The following HLA-DMA variants were observed in gnomAD, a reference collection of about 807,000 sequenced individuals.
HLA-DMA encodes HLA class II histocompatibility antigen, DM alpha chain.
HLA-DMA carries 20 observed loss-of-function variants against 27.3 expected under a neutral mutation model. That is an observed-to-expected ratio of 0.73 (90% CI 0.52 to 1.07). The LOEUF is 1.07. Ranked by LOEUF, HLA-DMA falls within the 50% of genes least tolerant of loss-of-function variation. The pLI is 0.00. For missense variants in HLA-DMA, 241 were observed against 321.7 expected (o/e 0.75, Z 1.92); for synonymous variants, 111 against 126.8 (o/e 0.88, Z 0.83).
Position 32,949,151 on chromosome 6 carries a change from A to G in HLA-DMA, c.781+120T>C. 3 of 1,369,380 alleles carry G rather than the reference A, an allele frequency of 2.2e-6. No homozygotes were observed. The highest frequency in any genetic ancestry group is 3.0e-6 in the Non-Finnish European group (3 of 988,158). 84.8% of individuals were successfully genotyped at this position (1,369,380 alleles called of 1,614,324 possible). On this transcript the variant is annotated intron_variant, in intron 4 of 4. Coordinates refer to ENST00000374843, the MANE Select transcript of HLA-DMA (RefSeq NM_006120.4). This position sits in a 1 kb window ranked among gnomAD's most constrained non-coding sequence, Gnocchi z 5.8. ...CATGGTGCTGGATACAGGCCCCCAC[A>G]CCCAAGGGCCTGAGGATCGCTATAT...
rs749158231 is a variant in HLA-DMA, at chr6:32,949,222, C to T, written c.781+49G>A. On this transcript the variant is annotated intron_variant, in intron 4 of 4. Transcript: ENST00000374843. The surrounding 1 kb of genome is among the most constrained non-coding windows in gnomAD (Gnocchi z 5.8). ...AATCCTGACACATGCACGCATGCAC[C>T]ACTGTATCTGGCTCCCACAGGCTCA... 6 of 1,612,720 alleles carry T rather than the reference C, an allele frequency of 3.7e-6. No homozygotes were observed. The South Asian group carries it at 6.6e-5, about 18-fold the overall frequency.
chr6:32,952,188 C>T, intron 1 of HLA-DMA: 1 of 395,672 alleles, frequency 2.5e-6, no homozygotes, highest in South Asian at 2.0e-5. Context: ...GTTTCTCACT[C>T]TTAGAAGGGA....
chr6:32,951,117 T>C (rs1776879876), intron 1 of HLA-DMA, among the ~76,000 whole-genome samples: 1 of 152,052 alleles, frequency 6.6e-6, no homozygotes, highest in Admixed American at 6.5e-5. Flanking sequence ...GCCACTGCAC[T>C]CCAGCCTGGG....
At position 32,949,748 on chromosome 6, in the gene HLA-DMA, C is replaced by A. The variant is rs751458783; in HGVS notation, c.515G>T (p.Gly172Val). The change falls in exon 3 of 5, where the codon GGG (glycine) becomes GTG (valine). Residue 172 changes from glycine to valine, a missense_variant. By Grantham distance (109) the Gly-to-Val change is moderately radical. Transcript: ENST00000374843. This position sits in a 1 kb window ranked among gnomAD's most constrained non-coding sequence, Gnocchi z 5.8. ...QHHSVPVEGF[G>V]PTFVSAVDGL... Reference sequence around the variant, plus strand: ...ATCGACAGCTGAGACAAAAGTAGGCCCAAATCCTTCCACAGGGACGGAATG... The same window carrying A: ...ATCGACAGCTGAGACAAAAGTAGGCACAAATCCTTCCACAGGGACGGAATG... 27 of 1,612,916 alleles carry A rather than the reference C, an allele frequency of 1.7e-5. No homozygotes were observed. Among genetic ancestry groups the A allele is most frequent in the Admixed American group, 3.3e-5 (2 of 60,000 alleles).
Position 32,950,778 on chromosome 6 carries a change from G to T in HLA-DMA, c.114C>A (p.Asp38Glu), listed in dbSNP as rs1467656459. The T allele has an allele frequency of 1.2e-6, 2 of 1,612,486 alleles. No individual in the cohort carries two copies. Among genetic ancestry groups the T allele is most frequent in the Non-Finnish European group, 1.7e-6 (2 of 1,179,546 alleles). ...PEAPTPMWPD[D>E]LQNHTFLHTV... ...TGTGCAGGAATGTGTGGTTTTGCAGGTCATCTGGCCACATTGGAGTAGGAG... is the reference window on the plus strand; with the variant it reads ...TGTGCAGGAATGTGTGGTTTTGCAGTTCATCTGGCCACATTGGAGTAGGAG... The change falls in exon 2 of 5, where the codon GAC becomes GAA. Residue 38 changes from aspartate to glutamate, a missense_variant. Asp to Glu is a conservative substitution (Grantham distance 45). Coordinates refer to ENST00000374843, the MANE Select transcript of HLA-DMA (RefSeq NM_006120.4). This position sits in a 1 kb window ranked among gnomAD's most constrained non-coding sequence, Gnocchi z 5.0.
Position 32,950,769 on chromosome 6 carries a change from GT to G in HLA-DMA, c.122del (p.Asn41ThrfsTer68). The G allele has an allele frequency of 1.2e-6, 2 of 1,612,658 alleles. No individual in the cohort carries two copies. Among genetic ancestry groups the G allele is most frequent in the Non-Finnish European group, 1.7e-6 (2 of 1,179,654 alleles). On this transcript the variant is annotated frameshift_variant, in exon 2 of 5. Coordinates refer to ENST00000374843, the MANE Select transcript of HLA-DMA (RefSeq NM_006120.4). LOFTEE classifies it high-confidence loss of function. The surrounding 1 kb of genome is among the most constrained non-coding windows in gnomAD (Gnocchi z 5.0). Reference protein sequence around the residue: ...PTPMWPDDLQNHTFLHTVYCQ... With the variant: ...PTPMWPDDLQXHTFLHTVYCQ... ...AGTACACTGTGTGCAGGAATGTGTGGTTTTGCAGGTCATCTGGCCACATTGG... is the reference window on the plus strand; with the variant it reads ...AGTACACTGTGTGCAGGAATGTGTGGTTTGCAGGTCATCTGGCCACATTGG...
intron 1 of HLA-DMA, among the ~76,000 whole-genome samples, chr6:32,951,794 T>A (rs916350952): frequency 6.6e-6 from 1 of 152,000 alleles, no homozygotes; most frequent in African/African-American, 2.4e-5. Flanking sequence ...CTGGGTGTGG[T>A]GGCATGCGCC....
chr6:32,950,234 C>G lies in HLA-DMA; in HGVS notation c.373+285G>C, dbSNP rs1385752409. On this transcript the variant is annotated intron_variant, in intron 2 of 4. Transcript: ENST00000374843. This position sits in a 1 kb window ranked among gnomAD's most constrained non-coding sequence, Gnocchi z 5.0. Reference sequence around the variant, plus strand: ...AGATATTTCCACTCTTCCCATCCATCTTGCTGGGCATAGTAGCACAAGTGT... The same window carrying G: ...AGATATTTCCACTCTTCCCATCCATGTTGCTGGGCATAGTAGCACAAGTGT... 1.7e-6 allele frequency: 1 copy of G among 592,920 alleles called. No homozygotes were observed. The highest frequency in any genetic ancestry group is 2.1e-5 in the South Asian group (1 of 47,496). The allele number at this position is 592,920 out of a possible 1,614,324, so 36.7% of individuals were successfully genotyped here.
At chr6:32,951,377 C>T (rs984108058) in intron 1 of HLA-DMA, among the ~76,000 whole-genome samples, 2 of 152,142 alleles carry the variant, frequency 1.3e-5, no homozygotes, top group Non-Finnish European at 2.9e-5. Flanking sequence ...TGCCTGTAAT[C>T]CCAGCACTTT....
At position 32,950,681 on chromosome 6, in the gene HLA-DMA, A is replaced by G; in HGVS notation, c.211T>C (p.Phe71Leu). The G allele has an allele frequency of 6.2e-7, 1 of 1,613,118 alleles. No homozygotes were observed. Among genetic ancestry groups the G allele is most frequent in the Non-Finnish European group, 8.5e-7 (1 of 1,180,046 alleles). The change falls in exon 2 of 5, where the codon TTC becomes CTC. Residue 71 changes from phenylalanine (F) to leucine (L), a missense_variant. Coordinates refer to ENST00000374843, the MANE Select transcript of HLA-DMA (RefSeq NM_006120.4). This position sits in a 1 kb window ranked among gnomAD's most constrained non-coding sequence, Gnocchi z 5.0. ...ACCCGAGTGTTCTGGGAAAAGTCGA[A>G]GAAGAAAAGCTGGTCCTCGTCGTAG... The part of the protein sequence containing the change: ...EAYDEDQLFF[F>L]DFSQNTRVPR...
chr6:32,949,294 T>C lies in HLA-DMA; in HGVS notation c.758A>G (p.Tyr253Cys). The change falls in exon 4 of 5, where the codon TAC becomes TGC. Residue 253 changes from tyrosine (Y) to cysteine (C), a missense_variant. Physicochemically the swap from Tyr to Cys is radical, Grantham distance 194. Coordinates refer to ENST00000374843, the MANE Select transcript of HLA-DMA (RefSeq NM_006120.4). The surrounding 1 kb of genome is among the most constrained non-coding windows in gnomAD (Gnocchi z 5.8). ...ACCACCTGAGCAAGGCTTCCGGAAG[T>C]AGATGATGAGAACAATGCCCACGAT... is the stretch of plus-strand genomic sequence containing the variant. ...GIIVGIVLIIYFRKPCSGD is the reference protein window; with the variant it reads ...GIIVGIVLIICFRKPCSGD 1 of 1,613,656 alleles carries C rather than the reference T, an allele frequency of 6.2e-7. No individual in the cohort carries two copies. The highest frequency in any genetic ancestry group is 8.5e-7 in the Non-Finnish European group (1 of 1,179,942).
rs1459464138 is a variant in HLA-DMA, at chr6:32,949,182, C to T, written c.781+89G>A. 6.4e-6 allele frequency: 10 copies of T among 1,565,170 alleles called. No individual in the cohort carries two copies. The highest frequency in any genetic ancestry group is 7.9e-6 in the Non-Finnish European group (9 of 1,143,008). On this transcript the variant is annotated intron_variant, in intron 4 of 4. Coordinates refer to ENST00000374843, the MANE Select transcript of HLA-DMA (RefSeq NM_006120.4). This position sits in a 1 kb window ranked among gnomAD's most constrained non-coding sequence, Gnocchi z 5.8. ...GGGCCTGAGGATCGCTATATGTCCC[C>T]CCATGCCACAAAATAATCCTGACAC... is the stretch of plus-strand genomic sequence containing the variant.
At position 32,950,471 on chromosome 6, in the gene HLA-DMA, T is replaced by C. The variant is rs1776845725; in HGVS notation, c.373+48A>G. On this transcript the variant is annotated intron_variant, in intron 2 of 4. Coordinates refer to ENST00000374843, the MANE Select transcript of HLA-DMA (RefSeq NM_006120.4). The surrounding 1 kb of genome is among the most constrained non-coding windows in gnomAD (Gnocchi z 5.0). ...GGGAATTATTCAGTGTACAGATCAATGAGGTTAATGCAGCCCTCCTCCCTT... is the reference window on the plus strand; with the variant it reads ...GGGAATTATTCAGTGTACAGATCAACGAGGTTAATGCAGCCCTCCTCCCTT... 3 of 1,588,658 alleles carry C rather than the reference T, an allele frequency of 1.9e-6. No individual in the cohort carries two copies. The highest frequency in any genetic ancestry group is 1.7e-5 in the Admixed American group (1 of 59,720).
intron 1 of HLA-DMA, 43 bp downstream of exon 1, chr6:32,952,906 C>T: frequency 6.8e-7 from 1 of 1,471,956 alleles, no homozygotes; most frequent in South Asian, 1.1e-5. Flanking sequence ...GCTGAGTGGG[C>T]TCCCTAGGTT....
Position 32,948,807 on chromosome 6 carries a change from G to T in HLA-DMA, c.*57C>A. The T allele has an allele frequency of 6.2e-7, 1 of 1,603,402 alleles. No individual in the cohort carries two copies. The highest frequency in any genetic ancestry group is 1.1e-5 in the South Asian group (1 of 90,892). ...ATCCTGGGCAGGATGTGAGAAATCT[G>T]AGCATCCTCTGTTTGGATGGCCGAA... On this transcript the variant is annotated 3_prime_UTR_variant, in exon 5 of 5. Coordinates refer to ENST00000374843, the MANE Select transcript of HLA-DMA (RefSeq NM_006120.4).
chr6:32,948,665 G>T lies in HLA-DMA; in HGVS notation c.*199C>A. On this transcript the variant is annotated 3_prime_UTR_variant, in exon 5 of 5. Coordinates refer to ENST00000374843, the MANE Select transcript of HLA-DMA (RefSeq NM_006120.4). Reference sequence around the variant, plus strand: ...TTGTGGGGGGAAGGGATGTGGTTGTGATAGGCAGGCCACTCTGGGATCCCT... The same window carrying T: ...TTGTGGGGGGAAGGGATGTGGTTGTTATAGGCAGGCCACTCTGGGATCCCT... 1 of 647,404 alleles carries T rather than the reference G, an allele frequency of 1.5e-6. No homozygotes were observed. Among genetic ancestry groups the T allele is most frequent in the South Asian group, 1.8e-5 (1 of 56,476 alleles). 40.1% of individuals were successfully genotyped at this position (647,404 alleles called of 1,614,324 possible).
Position 32,949,131 on chromosome 6 carries a change from T to A in HLA-DMA, c.781+140A>T. The stretch of plus-strand genomic sequence containing the variant: ...CAACTGGGAAGATGTGCCCCCATGG[T>A]GCTGGATACAGGCCCCCACACCCAA... On this transcript the variant is annotated intron_variant, in intron 4 of 4. Transcript: ENST00000374843. This position sits in a 1 kb window ranked among gnomAD's most constrained non-coding sequence, Gnocchi z 5.8. 2.2e-5 allele frequency: 25 copies of A among 1,136,362 alleles called. No homozygotes were observed. Among genetic ancestry groups the A allele is most frequent in the Non-Finnish European group, 3.2e-5 (25 of 791,886 alleles). The allele number at this position is 1,136,362 out of a possible 1,614,324, so 70.4% of individuals were successfully genotyped here. A position where few individuals can be genotyped will look rare whatever the true frequency, so the allele number is the denominator to read the frequency against.
In HLA-DMA at chr6:32,949,506, G is replaced by T; in HGVS notation, c.652+105C>A. On this transcript the variant is annotated intron_variant, in intron 3 of 4. Transcript: ENST00000374843. This position sits in a 1 kb window ranked among gnomAD's most constrained non-coding sequence, Gnocchi z 5.8. Reference sequence around the variant, plus strand: ...CATGGGAGACTGGGATGGGCTTAGGGTAGGAATGGACTAAACAAGGTACCA... The same window carrying T: ...CATGGGAGACTGGGATGGGCTTAGGTTAGGAATGGACTAAACAAGGTACCA... 3 of 1,592,170 alleles carry T rather than the reference G, an allele frequency of 1.9e-6. No homozygotes were observed. Among genetic ancestry groups the T allele is most frequent in the Non-Finnish European group, 2.6e-6 (3 of 1,163,352 alleles).
At position 32,948,882 on chromosome 6, in the gene HLA-DMA, A is replaced by G. The variant is rs778387867; in HGVS notation, c.782-14T>C. 1.5e-5 allele frequency: 25 copies of G among 1,613,244 alleles called. No individual in the cohort carries two copies. In the South Asian group the frequency reaches 2.5e-4, roughly 16 times the overall value. Reference sequence around the variant, plus strand: ...GGAAGAATCAGTCTGGGGGAGAGACAGGGATGGAGGAAAGGCATCAGGGGA... The same window carrying G: ...GGAAGAATCAGTCTGGGGGAGAGACGGGGATGGAGGAAAGGCATCAGGGGA... On this transcript the variant is annotated splice_polypyrimidine_tract_variant and intron_variant, in intron 4 of 4. Coordinates refer to ENST00000374843, the MANE Select transcript of HLA-DMA (RefSeq NM_006120.4).
Sources: gnomAD v4.1 joint callset for allele counts (sites outside exome capture counted in the v4.1 genomes callset) on GRCh38, gnomAD v4.1.1 for gene constraint, Gnocchi (gnomAD v3.1) non-coding constraint, MANE v1.5 for transcripts, NCBI Gene and HGNC (gene_info 2026-07-23, HGNC 2026-07-21) for gene names.